The following TMEM108 variants were observed in gnomAD, a reference collection of about 807,000 sequenced individuals.
TMEM108 encodes the protein transmembrane protein 108.
TMEM108 carries 12 observed loss-of-function variants against 35.1 expected under a neutral mutation model. That is an observed-to-expected ratio of 0.34 (90% confidence interval 0.22 to 0.55). The LOEUF is 0.55. TMEM108 is among the 20% of genes least tolerant of loss of function. The pLI is 0.89. For synonymous variants in TMEM108, 287 were observed against 308.6 expected, an observed-to-expected ratio of 0.93 and a Z score of 0.73; for missense variants, 680 against 753.3, an observed-to-expected ratio of 0.90 and a Z score of 1.14.
At chr3:133,235,611 T>G (rs956344398) in intron 3 of TMEM108, among the ~76,000 whole-genome samples, 2 of 152,142 alleles carry the variant, frequency 1.3e-5, no homozygotes, top group Non-Finnish European at 2.9e-5. Context: ...TGGTATTGAA[T>G]GAGATGACAT....
chr3:133,121,028 TC>T (rs1944346359), intron 2 of TMEM108: 1 of 152,222 alleles, frequency 6.6e-6, no homozygotes, highest in Admixed American at 6.5e-5. Flanking sequence ...ATACATCCCT[TC>T]CCATTTGCTC....
chr3:133,289,223 T>C (rs903758918), intron 3 of TMEM108, among the ~76,000 whole-genome samples: 6 of 152,130 alleles, frequency 3.9e-5, no homozygotes, highest in Non-Finnish European at 8.8e-5. Flanking sequence ...CTGCACACTT[T>C]TATGTACGTT....
intron 3 of TMEM108, among the ~76,000 whole-genome samples, chr3:133,264,894 A>G (rs990154540): frequency 3.3e-5 from 5 of 152,208 alleles, no homozygotes; most frequent in African/African-American, 9.6e-5. Context: ...AAGGGATTGC[A>G]TATAAGGAAT....
At chr3:133,180,264 A>G (rs1269161165) in intron 2 of TMEM108, among the ~76,000 whole-genome samples, 5 of 152,198 alleles carry the variant, frequency 3.3e-5, no homozygotes, top group Non-Finnish European at 4.4e-5. Context: ...AGAACTTCCA[A>G]CTGACCAGAA....
Position 133,380,107 on chromosome 3 carries a change from C to A in TMEM108, c.396C>A (p.Arg132=). The change falls in exon 4 of 6, where the codon CGC becomes CGA. Residue 132 remains arginine (R), a synonymous_variant. Coordinates refer to ENST00000321871, the MANE Select transcript of TMEM108 (RefSeq NM_023943.4). The surrounding 1 kb of genome is among the most constrained non-coding windows in gnomAD (Gnocchi z 5.3). ...MATTSSKPEG[R]PRGQAAPTIL... is the part of the protein sequence containing the mutation. ...CCACATCCTCCAAGCCAGAGGGCCG[C>A]CCTCGAGGGCAGGCTGCCCCCACCA... 6.2e-7 allele frequency: 1 copy of A among 1,614,022 alleles called. No individual in the cohort carries two copies. The highest frequency in any genetic ancestry group is 8.5e-7 in the Non-Finnish European group (1 of 1,179,980).
At chr3:133,108,739 G>A (rs1267352178) in intron 2 of TMEM108, among the ~76,000 whole-genome samples, 3 of 150,130 alleles carry the variant, frequency 2.0e-5, no homozygotes, top group Non-Finnish European at 3.0e-5. Flanking sequence ...TCGCAAGGAC[G>A]AAAAACCAAA....
intron 3 of TMEM108, among the ~76,000 whole-genome samples, chr3:133,256,721 G>T (rs1946551793): frequency 6.6e-6 from 1 of 152,138 alleles, no homozygotes; most frequent in African/African-American, 2.4e-5. Context: ...AAAAAACTCA[G>T]TCCAAAGGAA....
At chr3:133,145,605 T>C (rs1944707857) in intron 2 of TMEM108, among the ~76,000 whole-genome samples, 1 of 152,232 alleles carries the variant, frequency 6.6e-6, no homozygotes, top group Admixed American at 6.5e-5. Flanking sequence ...GAGCATAGAA[T>C]GTTTTTCCAT....
intron 2 of TMEM108, among the ~76,000 whole-genome samples, chr3:133,094,459 A>G (rs1213345374): frequency 6.6e-6 from 1 of 152,176 alleles, no homozygotes; most frequent in Admixed American, 6.5e-5. Flanking sequence ...TACTTTCAGA[A>G]GAGTAAGACC....
intron 2 of TMEM108, among the ~76,000 whole-genome samples, chr3:133,078,189 ATATC>A: frequency 7.1e-6 from 1 of 140,366 alleles, no homozygotes; most frequent in Non-Finnish European, 1.6e-5. Context: ...GTGTGTGTGT[ATATC>A]TCAGATCTTT....
At chr3:133,376,092 C>T (rs2072830139) in intron 3 of TMEM108, among the ~76,000 whole-genome samples, 1 of 152,186 alleles carries the variant, frequency 6.6e-6, no homozygotes, top group Non-Finnish European at 1.5e-5. Context: ...GGGAAATAGG[C>T]AGCAGCAACA....
At chr3:133,133,593 C>T (rs1172779693) in intron 2 of TMEM108, among the ~76,000 whole-genome samples, 1 of 152,084 alleles carries the variant, frequency 6.6e-6, no homozygotes, top group African/African-American at 2.4e-5. Flanking sequence ...ATTTGTCTTT[C>T]TGTGCCTGGC....
intron 2 of TMEM108, among the ~76,000 whole-genome samples, chr3:133,227,351 G>T (rs1201605710): frequency 6.7e-6 from 1 of 150,368 alleles, no homozygotes; most frequent in Non-Finnish European, 1.5e-5. Context: ...CCACCACCTC[G>T]CCCGGCTAAT....
intron 2 of TMEM108, among the ~76,000 whole-genome samples, chr3:133,175,350 A>G (rs1487414505): frequency 6.6e-6 from 1 of 152,176 alleles, no homozygotes; most frequent in Non-Finnish European, 1.5e-5. Context: ...TCCTCAACAA[A>G]AGCATCTCCA....
chr3:133,260,319 G>A (rs960724045), intron 3 of TMEM108, among the ~76,000 whole-genome samples: 3 of 152,032 alleles, frequency 2.0e-5, no homozygotes, highest in African/African-American at 7.2e-5. Flanking sequence ...TTATCAGCAT[G>A]AGATCCCTAC....
chr3:133,038,750 G>T (rs1256125952), intron 1 of TMEM108, among the ~76,000 whole-genome samples: 1 of 152,228 alleles, frequency 6.6e-6, no homozygotes, highest in Non-Finnish European at 1.5e-5. Context: ...GGGTGATGGG[G>T]CGCGGGCGTC....
intron 3 of TMEM108, among the ~76,000 whole-genome samples, chr3:133,359,341 T>A (rs2072273900): frequency 6.6e-6 from 1 of 152,202 alleles, no homozygotes. Flanking sequence ...TTGCCATAGT[T>A]TGCAGCATTT....
Position 133,361,718 on chromosome 3 carries a change from G to A in TMEM108, c.41-18034G>A, listed in dbSNP as rs1048564886. 2.0e-5 allele frequency among the ~76,000 whole-genome samples: 3 copies of A among 152,134 alleles called. No individual in the cohort carries two copies. The South Asian group carries it at 6.2e-4, about 32-fold the overall frequency. On this transcript the variant is annotated intron_variant, in intron 3 of 5. Transcript: ENST00000321871. The stretch of plus-strand genomic sequence containing the variant: ...CTCTCCATCTCGTGTGGTCTCTCAA[G>A]CATGGCAGCTTCAGGGTAGCCAGAT...
chr3:133,214,276 T>G (rs62280349), intron 2 of TMEM108, among the ~76,000 whole-genome samples: 48,217 of 152,076 alleles, frequency 0.32, 8,520 homozygotes, highest in East Asian at 0.47. Flanking sequence ...AGGTTTGATC[T>G]TGAGCAAAGA....
Sources: allele counts gnomAD v4.1 joint callset (sites outside exome capture counted in the v4.1 genomes callset), GRCh38; gene constraint gnomAD v4.1.1; non-coding constraint Gnocchi (gnomAD v3.1); transcripts MANE v1.5; gene names NCBI Gene and HGNC (gene_info 2026-07-23, HGNC 2026-07-21).